The following NALF1 variants were observed in gnomAD, a reference collection of about 807,000 sequenced individuals.
The protein encoded by NALF1 is family with sequence similarity 155 member A.
Under a neutral mutation model 48.4 loss-of-function variants are expected in NALF1, and 3 were observed. That is an observed-to-expected ratio of 0.06 (90% CI 0.03 to 0.16). NALF1 has a LOEUF of 0.16. Among genes scored for constraint, NALF1 ranks in the 10% least tolerant of loss-of-function variants. The pLI is 1.00. For missense variants in NALF1, 526 were observed against 571.5 expected (o/e 0.92, Z 0.81); for synonymous variants, 262 against 245.7 (o/e 1.07, Z -0.62).
chr13:107,468,845 G>A (rs1401110350), intron 1 of NALF1, among the ~76,000 whole-genome samples: 1 of 152,118 alleles, frequency 6.6e-6, no homozygotes, highest in Admixed American at 6.5e-5. Context: ...TTATTTTATA[G>A]GTGTATTTGC....
intron 1 of NALF1, among the ~76,000 whole-genome samples, chr13:107,741,621 C>G (rs1157303648): frequency 6.6e-6 from 1 of 152,124 alleles, no homozygotes; most frequent in East Asian, 1.9e-4. Context: ...TTCTGAAACA[C>G]TGCATTTAGA....
intron 1 of NALF1, among the ~76,000 whole-genome samples, chr13:107,494,424 A>G (rs1184216067): frequency 6.6e-6 from 1 of 152,162 alleles, no homozygotes; most frequent in Non-Finnish European, 1.5e-5. Flanking sequence ...ACCCAAATGG[A>G]CGATGAAAAG....
chr13:107,761,945 T>C (rs1877275238), intron 1 of NALF1, among the ~76,000 whole-genome samples: 1 of 152,210 alleles, frequency 6.6e-6, no homozygotes. Context: ...GCCCACTACA[T>C]AATAAGTGCT....
intron 1 of NALF1, among the ~76,000 whole-genome samples, chr13:107,580,108 T>A (rs917134915): frequency 5.9e-5 from 9 of 152,118 alleles, no homozygotes; most frequent in Non-Finnish European, 1.2e-4. Flanking sequence ...CATGGAATAC[T>A]ATGCAGCCAT....
At chr13:107,394,167 T>C (rs1883671701) in intron 1 of NALF1, among the ~76,000 whole-genome samples, 1 of 152,168 alleles carries the variant, frequency 6.6e-6, no homozygotes, top group Admixed American at 6.6e-5. Context: ...TAAGTTACTA[T>C]TTTAGTGGAT....
At chr13:107,528,176 G>C (rs947547867) in intron 1 of NALF1, among the ~76,000 whole-genome samples, 12 of 151,956 alleles carry the variant, frequency 7.9e-5, no homozygotes, top group African/African-American at 2.9e-4. Flanking sequence ...ACCATAATCT[G>C]CATGTTGGTA....
intron 1 of NALF1, among the ~76,000 whole-genome samples, chr13:107,237,191 T>TA (rs1940504707): frequency 6.6e-6 from 1 of 152,066 alleles, no homozygotes; most frequent in Non-Finnish European, 1.5e-5. Flanking sequence ...GAAACTTAAT[T>TA]ATTTTGAAAT....
chr13:107,743,778 G>C (rs914409708), intron 1 of NALF1, among the ~76,000 whole-genome samples: 11 of 152,164 alleles, frequency 7.2e-5, no homozygotes, highest in Non-Finnish European at 1.6e-4. Flanking sequence ...ATTAGTAAGA[G>C]GATAGGTTAT....
At chr13:107,586,634 G>GTTTTTTTTTTTTTTTTTTTTTTTTTTTTT (rs1403213630) in intron 1 of NALF1, among the ~76,000 whole-genome samples, 2 of 5,666 alleles carry the variant, frequency 3.5e-4, no homozygotes, top group African/African-American at 6.1e-4. Flanking sequence ...CCCCTATGGA[G>GTTTTTTTTTTTTTTTTTTTTTTTTTTTTT]ATTTTTTTTT....
chr13:107,432,276 G>T (rs1157569425), intron 1 of NALF1, among the ~76,000 whole-genome samples: 5 of 152,086 alleles, frequency 3.3e-5, no homozygotes, highest in Admixed American at 3.3e-4. Flanking sequence ...GGAGGGATCT[G>T]CCCCATGATC....
chr13:107,266,869 G>GT (rs1249706870), intron 1 of NALF1, among the ~76,000 whole-genome samples: 1 of 152,178 alleles, frequency 6.6e-6, no homozygotes, highest in Non-Finnish European at 1.5e-5. Flanking sequence ...ATGCATGACT[G>GT]TAGCATGGGC....
intron 1 of NALF1, among the ~76,000 whole-genome samples, chr13:107,220,823 G>A (rs1271640351): frequency 3.9e-5 from 6 of 152,066 alleles, no homozygotes; most frequent in Non-Finnish European, 7.4e-5. Context: ...AGATGGGCAT[G>A]TCAGAGAGAG....
At chr13:107,454,084 TCAA>T (rs1884786276) in intron 1 of NALF1, among the ~76,000 whole-genome samples, 1 of 152,214 alleles carries the variant, frequency 6.6e-6, no homozygotes, top group Non-Finnish European at 1.5e-5. Context: ...TCAAAGCCAT[TCAA>T]CAAGTTTCTA....
rs1399933488 is a variant in NALF1 at position 107,579,651 on chromosome 13, C to CT, written c.915+286030dup. Among the ~76,000 whole-genome samples the CT allele has an allele frequency of 6.3e-3, 819 of 129,874 alleles. 4 individuals carry two copies. Among genetic ancestry groups the CT allele is most frequent in the African/African-American group, 0.015 (526 of 34,424 alleles). 85.2% of individuals were successfully genotyped at this position (129,874 alleles called of 152,430 possible). ...TTTATTTGACAATTAAGCTATTTTT[C>CT]TTTTTTTTTTTAGCTGATTTCATAT... is the stretch of plus-strand genomic sequence containing the variant. On this transcript the variant is annotated intron_variant, in intron 1 of 2. Transcript: ENST00000375915.
intron 1 of NALF1, among the ~76,000 whole-genome samples, chr13:107,489,152 AC>A (rs1240109727): frequency 3.9e-5 from 6 of 152,148 alleles, no homozygotes; most frequent in East Asian, 1.9e-4. Flanking sequence ...GGGAAAAAAA[AC>A]ATTCCATGCT....
Position 107,170,075 on chromosome 13 carries a change from T to C in NALF1, c.*422A>G. ...TCCTCTAATAGAAGCTGACAGGACA[T>C]AAAGACAGAACTATCTGATGAACAC... On this transcript the variant is annotated 3_prime_UTR_variant, in exon 3 of 3. Coordinates refer to ENST00000375915, the MANE Select transcript of NALF1 (RefSeq NM_001080396.3). 1 of 157,170 alleles carries C rather than the reference T, an allele frequency of 6.4e-6. No homozygotes were observed. The highest frequency in any genetic ancestry group is 1.4e-5 in the Non-Finnish European group (1 of 70,994). 9.7% of individuals were successfully genotyped at this position (157,170 alleles called of 1,614,324 possible).
chr13:107,608,515 A>G (rs1372601072), intron 1 of NALF1, among the ~76,000 whole-genome samples: 8 of 152,198 alleles, frequency 5.3e-5, no homozygotes, highest in Admixed American at 1.3e-4. Flanking sequence ...TTACCAGCAC[A>G]GACTTTGTTA....
chr13:107,846,502 TCCC>T (rs1880175686), intron 1 of NALF1, among the ~76,000 whole-genome samples: 1 of 152,144 alleles, frequency 6.6e-6, no homozygotes, highest in Non-Finnish European at 1.5e-5. Context: ...TACCCCACTC[TCCC>T]TAGCAAAACC....
At chr13:107,835,552 C>T (rs1340008200) in intron 1 of NALF1, 2 of 152,046 alleles carry the variant, frequency 1.3e-5, no homozygotes, top group Non-Finnish European at 2.9e-5. Context: ...TTTTTGTCAC[C>T]TATTATGAGG....
Sources: allele counts gnomAD v4.1 joint callset (sites outside exome capture counted in the v4.1 genomes callset), GRCh38; gene constraint gnomAD v4.1.1; transcripts MANE v1.5; gene names NCBI Gene and HGNC (gene_info 2026-07-23, HGNC 2026-07-21).